The following TEX36 variants were observed in gnomAD, a reference collection of about 807,000 sequenced individuals.
TEX36 encodes testis expressed 36, also known as testis-expressed protein 36.
In TEX36, 12 loss-of-function variants were observed where a neutral mutation model predicts 13.6. The ratio of observed to expected loss-of-function variants is 0.88; its 90% CI spans 0.56 to 1.43. The LOEUF (loss-of-function observed/expected upper bound fraction) is 1.43. TEX36 is among the 40% of genes most tolerant of loss of function. TEX36 has a pLI of 0.00. For synonymous variants in TEX36, 93 were observed against 83.0 expected, an observed-to-expected ratio of 1.12 and a Z score of -0.65; for missense variants, 224 against 228.3, an observed-to-expected ratio of 0.98 and a Z score of 0.12.
At chr10:125,658,010 A>G (rs1846974517) in intron 3 of TEX36, among the ~76,000 whole-genome samples, 2 of 152,186 alleles carry the variant, frequency 1.3e-5, no homozygotes, top group African/African-American at 4.8e-5. Flanking sequence ...AGAAGAAGAA[A>G]AAAAGAAAAA....
chr10:125,649,165 A>T lies in TEX36; in HGVS notation c.264+11856T>A, dbSNP rs563624815. Among the ~76,000 whole-genome samples, 12 of 152,300 alleles carry T rather than the reference A, an allele frequency of 7.9e-5. No individual in the cohort carries two copies. The East Asian group carries it at 2.3e-3, about 29-fold the overall frequency. ...AGGAAATACAGAGAACGCCACAAAG[A>T]TACTCCTCGAGAAGTGCAACTCCAA... is the stretch of plus-strand genomic sequence containing the variant. On this transcript the variant is annotated intron_variant, in intron 3 of 3. Coordinates refer to the TEX36 transcript ENST00000526819.
intron 1 of TEX36, chr10:125,667,463 G>A: frequency 2.8e-6 from 2 of 712,590 alleles, no homozygotes; most frequent in Non-Finnish European, 2.7e-6. Flanking sequence ...TTCCATGACG[G>A]CAAGGGCTGA....
At chr10:125,625,059 G>T (rs1400290734) in intron 3 of TEX36, among the ~76,000 whole-genome samples, 1 of 152,160 alleles carries the variant, frequency 6.6e-6, no homozygotes. Context: ...TCTGGCAAGG[G>T]CAACACCTCT....
chr10:125,586,944 C>G (rs1565167400), intron 3 of TEX36, among the ~76,000 whole-genome samples: 1 of 151,982 alleles, frequency 6.6e-6, no homozygotes, highest in Admixed American at 6.6e-5. Context: ...TAGCACCATC[C>G]CCCTAGTGCT....
At chr10:125,638,612 C>T (rs979721316) in intron 3 of TEX36, among the ~76,000 whole-genome samples, 6 of 152,228 alleles carry the variant, frequency 3.9e-5, no homozygotes, top group Admixed American at 1.3e-4. Context: ...TTTGCTGACT[C>T]GATTTCTCCA....
At chr10:125,625,024 C>G (rs531421588) in intron 3 of TEX36, among the ~76,000 whole-genome samples, 1 of 152,178 alleles carries the variant, frequency 6.6e-6, no homozygotes, top group Non-Finnish European at 1.5e-5. Context: ...ACATGCCAGA[C>G]AATTGAGATG....
At chr10:125,666,504 G>A (rs369684811) in intron 1 of TEX36, among the ~76,000 whole-genome samples, 31 of 152,174 alleles carry the variant, frequency 2.0e-4, no homozygotes, top group East Asian at 1.4e-3. Flanking sequence ...TCATGTTTAC[G>A]GATTTGTGTG....
At chr10:125,604,869 C>G (rs1231753713) in intron 3 of TEX36, among the ~76,000 whole-genome samples, 1 of 151,394 alleles carries the variant, frequency 6.6e-6, no homozygotes, top group African/African-American at 2.4e-5. Flanking sequence ...CTCCTATTAC[C>G]CCCAGAAGGG....
At chr10:125,624,933 A>T (rs1372553959) in intron 3 of TEX36, among the ~76,000 whole-genome samples, 1 of 152,168 alleles carries the variant, frequency 6.6e-6, no homozygotes, top group Non-Finnish European at 1.5e-5. Context: ...AGCCGTCAAC[A>T]CAGGAGCCAA....
chr10:125,619,212 C>T (rs1186699721), downstream of TEX36, among the ~76,000 whole-genome samples: 2 of 152,014 alleles, frequency 1.3e-5, no homozygotes, highest in South Asian at 2.1e-4. Flanking sequence ...CAAGACAGAT[C>T]GTGGAGAAAA....
chr10:125,637,308 C>CA (rs758842533), intron 3 of TEX36, among the ~76,000 whole-genome samples: 2,395 of 99,222 alleles, frequency 0.024, 22 homozygotes, highest in Middle Eastern at 0.042. Flanking sequence ...GACCCTGTCT[C>CA]AAAAAAAAAA....
intron 3 of TEX36, among the ~76,000 whole-genome samples, chr10:125,602,040 GT>G (rs1360655521): frequency 6.6e-6 from 1 of 152,192 alleles, no homozygotes; most frequent in African/African-American, 2.4e-5. Flanking sequence ...CCAGGGAGGT[GT>G]TGCAGGGGGA....
intron 3 of TEX36, among the ~76,000 whole-genome samples, chr10:125,589,175 T>C (rs1845994088): frequency 6.6e-6 from 1 of 152,252 alleles, no homozygotes. Flanking sequence ...TCTTTGCCTA[T>C]TTTCATGAGA....
At chr10:125,590,514 AG>A (rs756658809) in intron 3 of TEX36, among the ~76,000 whole-genome samples, 81 of 152,348 alleles carry the variant, frequency 5.3e-4, no homozygotes, top group African/African-American at 1.8e-3. Flanking sequence ...ATTTTACAAA[AG>A]CCTTTAGCAC....
intron 3 of TEX36, among the ~76,000 whole-genome samples, chr10:125,598,074 G>A (rs1348702036): frequency 2.0e-5 from 3 of 152,196 alleles, no homozygotes; most frequent in Non-Finnish European, 4.4e-5. Flanking sequence ...GAGGGTGGGA[G>A]TGGCAGGCCC....
intron 3 of TEX36, among the ~76,000 whole-genome samples, chr10:125,596,328 T>A (rs1386469788): frequency 1.3e-5 from 2 of 151,894 alleles, no homozygotes; most frequent in South Asian, 2.1e-4. Context: ...GAAGGAGATG[T>A]AAGGCTAGAA....
At chr10:125,667,669 GA>G in intron 1 of TEX36, 1 of 721,012 alleles carries the variant, frequency 1.4e-6, no homozygotes, top group Admixed American at 1.9e-5. Flanking sequence ...CAACTTGGGG[GA>G]AAGGACGCCC....
intron 3 of TEX36, among the ~76,000 whole-genome samples, chr10:125,642,006 G>T (rs935397741): frequency 2.0e-5 from 3 of 152,132 alleles, no homozygotes; most frequent in Non-Finnish European, 4.4e-5. Context: ...ATTTATCTCT[G>T]TGTCCCTCCA....
At chr10:125,622,253 C>A (rs1846436430) in intron 3 of TEX36, among the ~76,000 whole-genome samples, 1 of 152,116 alleles carries the variant, frequency 6.6e-6, no homozygotes, top group Non-Finnish European at 1.5e-5. Context: ...AACCTAAATG[C>A]TAAGACAAAC....
Sources: gnomAD v4.1 joint callset for allele counts (sites outside exome capture counted in the v4.1 genomes callset) on GRCh38, gnomAD v4.1.1 for gene constraint, MANE v1.5 for transcripts, NCBI Gene and HGNC (gene_info 2026-07-23, HGNC 2026-07-21) for gene names.